The following YIPF5 variants were observed in gnomAD, a reference collection of about 807,000 sequenced individuals.
YIPF5 encodes Yip1 domain family member 5, also known as protein YIPF5.
YIPF5 carries 8 observed loss-of-function variants against 30.4 expected under a neutral mutation model. That is an observed-to-expected ratio of 0.26 (90% CI 0.15 to 0.47). The LOEUF (loss-of-function observed/expected upper bound fraction) is 0.47, where lower values mean the gene tolerates loss of function less well. YIPF5 is among the 20% of genes least tolerant of loss of function. The pLI is 0.99. For missense variants in YIPF5, 282 were observed against 301.8 expected, an observed-to-expected ratio of 0.93 and a Z score of 0.49; for synonymous variants, 104 against 107.9, an observed-to-expected ratio of 0.96 and a Z score of 0.23.
intron 5 of YIPF5, among the ~76,000 whole-genome samples, chr5:144,161,387 G>T (rs947843319): frequency 7.4e-6 from 1 of 135,212 alleles, no homozygotes; most frequent in African/African-American, 2.8e-5. Context: ...TTGTTGCCCA[G>T]GCTGAAGTAT....
chr5:144,164,057 A>C, intron 4 of YIPF5, 54 bp downstream of exon 4: 1 of 1,590,512 alleles, frequency 6.3e-7, no homozygotes, highest in South Asian at 1.2e-5. Context: ...AGAACATTTA[A>C]AATTTAAAGG....
Position 144,159,097 on chromosome 5 carries a change from T to C in YIPF5, c.*1300A>G. ...CATGACAATATAAATCAAATAAATT[T>C]AATACAATAAAATAATGTAACTCAA... On this transcript the variant is annotated 3_prime_UTR_variant, in exon 6 of 6. Transcript: ENST00000274496. The C allele has an allele frequency of 1.0e-6, 1 of 981,298 alleles. No individual in the cohort carries two copies. Among genetic ancestry groups the C allele is most frequent in the African/African-American group, 1.7e-5 (1 of 57,246 alleles). 60.8% of individuals were successfully genotyped at this position (981,298 alleles called of 1,614,324 possible).
At position 144,164,144 on chromosome 5, in the gene YIPF5, A is replaced by C. The variant is rs1304913806; in HGVS notation, c.396T>G (p.Val132=). ...ATGTGGCTCCAAAAGCAAGGCAAAA[A>C]ACCATTGGACCTGCCAAATCAGTTT... The part of the protein sequence containing the change: ...MNETDLAGPM[V]FCLAFGATLL... The change falls in exon 4 of 6, where the codon GTT becomes GTG. Residue 132 remains valine (V), a synonymous_variant. Transcript: ENST00000274496. The C allele has an allele frequency of 4.3e-6, 7 of 1,613,156 alleles. No homozygotes were observed. The highest frequency in any genetic ancestry group is 5.1e-6 in the Non-Finnish European group (6 of 1,179,554).
At chr5:144,165,177 A>G (rs768907870) in intron 3 of YIPF5, among the ~76,000 whole-genome samples, 24 of 152,228 alleles carry the variant, frequency 1.6e-4, no homozygotes, top group Non-Finnish European at 2.8e-4. Flanking sequence ...AATTTAGTCA[A>G]TAACCTGAAG....
At chr5:144,165,711 G>T in intron 2 of YIPF5, 107 bp from the exon 3 acceptor site, 1 of 1,185,076 alleles carries the variant, frequency 8.4e-7, no homozygotes, top group Non-Finnish European at 1.2e-6. Flanking sequence ...CCTTAGTTGT[G>T]AAATTCCTCA....
Position 144,160,607 on chromosome 5 carries a change from G to C in YIPF5, c.612-48C>G, listed in dbSNP as rs1487601302. On this transcript the variant is annotated intron_variant, in intron 5 of 5. Coordinates refer to ENST00000274496, the MANE Select transcript of YIPF5 (RefSeq NM_030799.9). ...GGGGAGAAGAAAAAAAAGCAGATGAGATTAGTTATGTAAGAATACTACAAT... is the reference window on the plus strand; with the variant it reads ...GGGGAGAAGAAAAAAAAGCAGATGACATTAGTTATGTAAGAATACTACAAT... 11 of 1,497,022 alleles carry C rather than the reference G, an allele frequency of 7.3e-6. No individual in the cohort carries two copies. The East Asian group carries it at 1.6e-4, about 22-fold the overall frequency. The allele number at this position is 1,497,022 out of a possible 1,614,324, so 92.7% of individuals were successfully genotyped here. A position where few individuals can be genotyped will look rare whatever the true frequency, so the allele number is the denominator to read the frequency against.
rs765581345 is a variant in YIPF5, at chr5:144,164,122, T to C, written c.418A>G (p.Thr140Ala). The C allele has an allele frequency of 6.2e-7, 1 of 1,612,654 alleles. No individual in the cohort carries two copies. The highest frequency in any genetic ancestry group is 8.5e-7 in the Non-Finnish European group (1 of 1,179,602). Reference protein sequence around the residue: ...PMVFCLAFGATLLLAGKIQFG... With the variant: ...PMVFCLAFGAALLLAGKIQFG... ...AATGAAAATCTTACCAGTAGCAATGTGGCTCCAAAAGCAAGGCAAAAAACC... is the reference window on the plus strand; with the variant it reads ...AATGAAAATCTTACCAGTAGCAATGCGGCTCCAAAAGCAAGGCAAAAAACC... Residue 140 changes from threonine to alanine, a missense_variant, in exon 4 of 6, where the codon ACA becomes GCA. Transcript: ENST00000274496.
At chr5:144,166,038 C>T (rs1341377317) in intron 2 of YIPF5, among the ~76,000 whole-genome samples, 3 of 152,114 alleles carry the variant, frequency 2.0e-5, no homozygotes, top group African/African-American at 7.2e-5. Flanking sequence ...TAATTTTTCA[C>T]TGTAATTTGG....
At chr5:144,169,059 G>C (rs1338240982) in intron 2 of YIPF5, among the ~76,000 whole-genome samples, 1 of 152,124 alleles carries the variant, frequency 6.6e-6, no homozygotes, top group African/African-American at 2.4e-5. Context: ...TTCTCAAAGA[G>C]ATCCAGAACC....
intron 1 of YIPF5, 136 bp from the exon 2 acceptor site, chr5:144,170,101 T>C: frequency 1.5e-6 from 1 of 668,616 alleles, no homozygotes; most frequent in South Asian, 1.8e-5. Flanking sequence ...GGGCGGAAAG[T>C]ACGCAGCATT....
rs1178798280 is a variant in YIPF5 at position 144,162,275 on chromosome 5, C to T, written c.554G>A (p.Gly185Glu). ...TAGGATCATGGGCAGAAGACAATATCCAAGGACACTTGCCACACAACCAAA... is the reference window on the plus strand; with the variant it reads ...TAGGATCATGGGCAGAAGACAATATTCAAGGACACTTGCCACACAACCAAA... ...VSFGCVASVL[G>E]YCLLPMILLS... The change falls in exon 5 of 6, where the codon GGA becomes GAA. Residue 185 changes from glycine to glutamate, a missense_variant. Physicochemically the swap from Gly to Glu is moderately conservative, Grantham distance 98. Transcript: ENST00000274496. 1 of 1,614,050 alleles carries T rather than the reference C, an allele frequency of 6.2e-7. No individual in the cohort carries two copies. The highest frequency in any genetic ancestry group is 1.1e-5 in the South Asian group (1 of 91,078).
At position 144,158,640 on chromosome 5, in the gene YIPF5, C is replaced by T. The variant is rs1490559642; in HGVS notation, c.*1757G>A. On this transcript the variant is annotated 3_prime_UTR_variant, in exon 6 of 6. Coordinates refer to ENST00000274496, the MANE Select transcript of YIPF5 (RefSeq NM_030799.9). ...AATTGAAAAAGACAAAAATACTATC[C>T]AAGAATTACAATAAAAAATTTGGTT... 1 of 1,035,342 alleles carries T rather than the reference C, an allele frequency of 9.7e-7. No homozygotes were observed. Among genetic ancestry groups the T allele is most frequent in the Non-Finnish European group, 1.2e-6 (1 of 861,832 alleles). 64.1% of individuals were successfully genotyped at this position (1,035,342 alleles called of 1,614,324 possible). A position where few individuals can be genotyped will look rare whatever the true frequency, so the allele number is the denominator to read the frequency against.
chr5:144,163,888 A>T, intron 4 of YIPF5: 1 of 405,596 alleles, frequency 2.5e-6, no homozygotes, highest in Non-Finnish European at 4.1e-6. Context: ...TTCCCCTAAT[A>T]ATTTAATCAT....
rs542987552 is a variant in YIPF5, at chr5:144,158,773, C to A, written c.*1624G>T. The A allele has an allele frequency of 5.9e-4, 585 of 991,030 alleles. 6 individuals are homozygous for A. In the African/African-American group the frequency reaches 9.4e-3, roughly 16 times the overall value. 61.4% of individuals were successfully genotyped at this position (991,030 alleles called of 1,614,324 possible). A position where few individuals can be genotyped will look rare whatever the true frequency, so the allele number is the denominator to read the frequency against. ...TTAATGACAAGTGGGTTTCTCCAGA[C>A]GATTAATGAAGAAAAACATACTTAT... On this transcript the variant is annotated 3_prime_UTR_variant, in exon 6 of 6. Transcript: ENST00000274496.
At chr5:144,161,736 G>A (rs1031371757) in intron 5 of YIPF5, among the ~76,000 whole-genome samples, 7 of 152,116 alleles carry the variant, frequency 4.6e-5, no homozygotes, top group African/African-American at 1.2e-4. Context: ...GAGAAACACC[G>A]CAGGCTGATA....
rs747301375 is a variant in YIPF5, at chr5:144,169,900, T to A, written c.56A>T (p.Asp19Val). 10 of 1,614,134 alleles carry A rather than the reference T, an allele frequency of 6.2e-6. No individual in the cohort carries two copies. Among genetic ancestry groups the A allele is most frequent in the Non-Finnish European group, 8.5e-6 (10 of 1,180,060 alleles). ...ATCATAGGACTGCTGTGACTGATCA[T>A]CGATGCTGTAACTTGTCTGGTAGAA... ...TDFYQTSYSI[D>V]DQSQQSYDYG... The change falls in exon 2 of 6, where the codon GAT (aspartate) becomes GTT (valine). Residue 19 changes from aspartate (D) to valine (V), a missense_variant. By Grantham distance (152) the Asp-to-Val change is radical (BLOSUM62 -3). Coordinates refer to ENST00000274496, the MANE Select transcript of YIPF5 (RefSeq NM_030799.9).
Position 144,158,532 on chromosome 5 carries a change from C to G in YIPF5, c.*1865G>C. The G allele has an allele frequency of 8.3e-7, 1 of 1,208,730 alleles. No individual in the cohort carries two copies. Among genetic ancestry groups the G allele is most frequent in the South Asian group, 1.5e-5 (1 of 67,318 alleles). 74.9% of individuals were successfully genotyped at this position (1,208,730 alleles called of 1,614,324 possible). A position where few individuals can be genotyped will look rare whatever the true frequency, so the allele number is the denominator to read the frequency against. On this transcript the variant is annotated 3_prime_UTR_variant, in exon 6 of 6. Transcript: ENST00000274496. ...AGCGAGATAATTTTAATTTCCAAAG[C>G]ATCTTCTACCGTTTATTAGCAATAT...
Position 144,159,470 on chromosome 5 carries a change from T to C in YIPF5, c.*927A>G, listed in dbSNP as rs1411305949. 1.0e-6 allele frequency: 1 copy of C among 985,034 alleles called. No individual in the cohort carries two copies. Among genetic ancestry groups the C allele is most frequent in the Non-Finnish European group, 1.2e-6 (1 of 829,834 alleles). 61.0% of individuals were successfully genotyped at this position (985,034 alleles called of 1,614,324 possible). On this transcript the variant is annotated 3_prime_UTR_variant, in exon 6 of 6. Transcript: ENST00000274496. ...CTAAGGTTGAGTTAACATTAATATGTAAGTAAGTGTTCGCATTTCATGTCT... is the reference window on the plus strand; with the variant it reads ...CTAAGGTTGAGTTAACATTAATATGCAAGTAAGTGTTCGCATTTCATGTCT...
At chr5:144,162,193 C>G (rs373421972) in intron 5 of YIPF5, 25 bp downstream of exon 5, 1 of 1,604,290 alleles carries the variant, frequency 6.2e-7, no homozygotes. Context: ...GTCAATCAAC[C>G]CCCAAAATAA....
Sources: gnomAD v4.1 joint callset for allele counts (sites outside exome capture counted in the v4.1 genomes callset) on GRCh38, gnomAD v4.1.1 for gene constraint, MANE v1.5 for transcripts, NCBI Gene and HGNC (gene_info 2026-07-23, HGNC 2026-07-21) for gene names.